Variants in TNFAIP8 observed in about 807,000 individuals in gnomAD.
The protein encoded by TNFAIP8 is TNF alpha induced protein 8.
A neutral mutation model predicts 13.3 loss-of-function variants in TNFAIP8; 7 were observed. The observed-to-expected ratio is 0.52, with a 90% CI of 0.30 to 0.99. The LOEUF (loss-of-function observed/expected upper bound fraction) is 0.99, where lower values mean the gene tolerates loss of function less well. TNFAIP8 is among the 50% of genes least tolerant of loss of function. The pLI, the probability that TNFAIP8 is intolerant of heterozygous loss-of-function variation, is 0.07. For synonymous variants in TNFAIP8, 94 were observed against 87.6 expected, an observed-to-expected ratio of 1.07 and a Z score of -0.41; for missense variants, 258 against 236.9, an observed-to-expected ratio of 1.09 and a Z score of -0.58.
chr5:119,298,303 TG>T (rs1195492702), intron 1 of TNFAIP8, among the ~76,000 whole-genome samples: 5 of 152,034 alleles, frequency 3.3e-5, no homozygotes, highest in Admixed American at 3.3e-4. Flanking sequence ...GCAGGCCTGG[TG>T]GTGACAAAAT....
At chr5:119,331,543 CCTGCTGGGTGTAGAGG>C (rs1750380630) in intron 1 of TNFAIP8, among the ~76,000 whole-genome samples, 1 of 152,180 alleles carries the variant, frequency 6.6e-6, no homozygotes, top group Non-Finnish European at 1.5e-5. Flanking sequence ...CCAGGAGTTT[CCTGCTGGGTGTAGAGG>C]TGCCCACTGG....
In TNFAIP8 at chr5:119,395,078, T is replaced by G. The variant is rs1319316565; in HGVS notation, c.*1697T>G. The G allele has an allele frequency of 6.6e-6, 1 of 152,190 alleles. No homozygotes were observed. Among genetic ancestry groups the G allele is most frequent in the Non-Finnish European group, 1.5e-5 (1 of 68,036 alleles). The allele number at this position is 152,190 out of a possible 1,614,324, so 9.4% of individuals were successfully genotyped here. The stretch of plus-strand genomic sequence containing the variant: ...TCTCTGACACCCTCATTTGCTTGGC[T>G]AAGACAAGCAGCAAAGGTGTAGAGT... On this transcript the variant is annotated 3_prime_UTR_variant, in exon 2 of 2. Transcript: ENST00000504771.
At chr5:119,360,139 T>TAG (rs1406909696) in intron 1 of TNFAIP8, among the ~76,000 whole-genome samples, 8 of 152,202 alleles carry the variant, frequency 5.3e-5, no homozygotes, top group Non-Finnish European at 8.8e-5. Context: ...GCCCCCACCT[T>TAG]ACGCCATTGA....
intron 1 of TNFAIP8, among the ~76,000 whole-genome samples, chr5:119,389,094 A>G (rs1752794943): frequency 6.6e-6 from 1 of 152,156 alleles, no homozygotes; most frequent in South Asian, 2.1e-4. Flanking sequence ...GAACTTAATA[A>G]TGGACTGGGT....
chr5:119,379,104 A>G (rs969078511), intron 1 of TNFAIP8, among the ~76,000 whole-genome samples: 2 of 152,244 alleles, frequency 1.3e-5, no homozygotes, highest in African/African-American at 4.8e-5. Context: ...ATCCATATTT[A>G]GGGTTATGTG....
intron 1 of TNFAIP8, among the ~76,000 whole-genome samples, chr5:119,392,192 G>A (rs1752918483): frequency 6.6e-6 from 1 of 152,210 alleles, no homozygotes; most frequent in African/African-American, 2.4e-5. Context: ...CAGCCAAATT[G>A]GTAGGCACTG....
chr5:119,383,085 T>C (rs1014421547), intron 1 of TNFAIP8, among the ~76,000 whole-genome samples: 3 of 152,244 alleles, frequency 2.0e-5, no homozygotes, highest in African/African-American at 7.2e-5. Flanking sequence ...CCCAAACTTA[T>C]TTAACTAGAG....
Position 119,374,471 on chromosome 5 carries a change from A to G in TNFAIP8, c.32-18345A>G, listed in dbSNP as rs75429035. On this transcript the variant is annotated intron_variant, in intron 1 of 1. Coordinates refer to ENST00000504771, the MANE Select transcript of TNFAIP8 (RefSeq NM_014350.4). ...TTTTCAGGGGAAGAGAGATTCCAGC[A>G]AAGATCCTGGGATGGAGAAGGTAAC... Among the ~76,000 whole-genome samples, 1,095 of 152,346 alleles carry G rather than the reference A, an allele frequency of 7.2e-3. 13 individuals carry two copies. Among genetic ancestry groups the G allele is most frequent in the African/African-American group, 0.024 (982 of 41,570 alleles).
intron 1 of TNFAIP8, among the ~76,000 whole-genome samples, chr5:119,366,430 T>A (rs1684764619): frequency 6.6e-6 from 1 of 152,174 alleles, no homozygotes; most frequent in Non-Finnish European, 1.5e-5. Context: ...ATGCTGCCCC[T>A]CTTCCAACTG....
At chr5:119,385,732 C>T (rs556090602) in intron 1 of TNFAIP8, among the ~76,000 whole-genome samples, 1 of 152,310 alleles carries the variant, frequency 6.6e-6, no homozygotes, top group Non-Finnish European at 1.5e-5. Flanking sequence ...AGCCATCTGG[C>T]ATTTTGCATT....
chr5:119,381,324 T>G (rs1005513515), intron 1 of TNFAIP8, among the ~76,000 whole-genome samples: 1 of 152,190 alleles, frequency 6.6e-6, no homozygotes, highest in East Asian at 1.9e-4. Flanking sequence ...GCAGATTGTG[T>G]GAGCTCAGGG....
chr5:119,271,408 A>C (rs1290739046), intron 1 of TNFAIP8, among the ~76,000 whole-genome samples: 1 of 152,188 alleles, frequency 6.6e-6, no homozygotes, highest in Admixed American at 6.5e-5. Flanking sequence ...AGATAGCCCA[A>C]TGTGGTAGTA....
chr5:119,356,084 T>C lies in TNFAIP8; in HGVS notation c.-7T>C. On this transcript the variant is annotated 5_prime_UTR_variant, in exon 1 of 2. Coordinates refer to ENST00000504771, the MANE Select transcript of TNFAIP8 (RefSeq NM_014350.4). Reference sequence around the variant, plus strand: ...TAATCGCCCCTGCAGCTGGTTATCCTGACATTATGCACTCCGAAGCAGAAG... The same window carrying C: ...TAATCGCCCCTGCAGCTGGTTATCCCGACATTATGCACTCCGAAGCAGAAG... 6.3e-7 allele frequency: 1 copy of C among 1,586,198 alleles called. No homozygotes were observed. Among genetic ancestry groups the C allele is most frequent in the Non-Finnish European group, 8.6e-7 (1 of 1,164,996 alleles).
Position 119,397,317 on chromosome 5 carries a change from G to A in TNFAIP8, c.*3936G>A, listed in dbSNP as rs1040560774. The A allele has an allele frequency of 5.3e-5, 8 of 152,116 alleles. No individual in the cohort carries two copies. Among genetic ancestry groups the A allele is most frequent in the Admixed American group, 2.0e-4 (3 of 15,276 alleles). The allele number at this position is 152,116 out of a possible 1,614,324, so 9.4% of individuals were successfully genotyped here. On this transcript the variant is annotated 3_prime_UTR_variant, in exon 2 of 2. Transcript: ENST00000504771. Reference sequence around the variant, plus strand: ...TGACAAATGGTAAATAAAAGAATATGTTTATCCAAATGATGAAATATTTGT... The same window carrying A: ...TGACAAATGGTAAATAAAAGAATATATTTATCCAAATGATGAAATATTTGT...
At chr5:119,354,731 A>C (rs564226780), upstream of TNFAIP8, 3 of 152,860 alleles carry the variant, frequency 2.0e-5, no homozygotes, top group Admixed American at 6.5e-5. Flanking sequence ...TAATTTGCAT[A>C]AGGTCATACA....
chr5:119,364,528 T>A (rs926923944), intron 1 of TNFAIP8, among the ~76,000 whole-genome samples: 1 of 152,122 alleles, frequency 6.6e-6, no homozygotes, highest in African/African-American at 2.4e-5. Context: ...TAAATTGTTT[T>A]GTAGAGACAA....
chr5:119,338,803 T>C (rs769525145), intron 1 of TNFAIP8, among the ~76,000 whole-genome samples: 13 of 152,140 alleles, frequency 8.5e-5, no homozygotes, highest in Non-Finnish European at 1.8e-4. Flanking sequence ...GGAACAAAGT[T>C]TTGATTTAGC....
intron 1 of TNFAIP8, among the ~76,000 whole-genome samples, chr5:119,334,139 C>CAAAAAAAAA (rs57346323): frequency 0.048 from 4,870 of 102,474 alleles, 61 homozygotes; most frequent in Non-Finnish European, 0.057. Context: ...CTCTAACAAC[C>CAAAAAAAAA]AAAAAAAAAA....
intron 1 of TNFAIP8, among the ~76,000 whole-genome samples, chr5:119,269,142 C>T (rs1208689207): frequency 1.3e-5 from 2 of 152,232 alleles, no homozygotes. Flanking sequence ...CAGTGCCGCA[C>T]TGAGGATCCA....
Sources: gnomAD v4.1 joint callset for allele counts (sites outside exome capture counted in the v4.1 genomes callset) on GRCh38, gnomAD v4.1.1 for gene constraint, MANE v1.5 for transcripts, NCBI Gene and HGNC (gene_info 2026-07-23, HGNC 2026-07-21) for gene names.